Variants in TAOK3 observed in about 807,000 individuals in gnomAD.
The protein encoded by TAOK3 is TAO kinase 3.
TAOK3 carries 40 observed loss-of-function variants against 120.4 expected under a neutral mutation model. The observed-to-expected ratio is 0.33, with a 90% CI of 0.26 to 0.43. The LOEUF is 0.43. TAOK3 is among the 20% of genes least tolerant of loss of function. The pLI is 1.00. For missense variants in TAOK3, 821 were observed against 1,112.1 expected (o/e 0.74, Z 3.72); for synonymous variants, 355 against 387.5 (o/e 0.92, Z 0.99).
At position 118,365,000 on chromosome 12, in the gene TAOK3, C is replaced by T. The variant is rs193078241; in HGVS notation, c.-194+7648G>A. On this transcript the variant is annotated intron_variant, in intron 1 of 20. Transcript: ENST00000392533. ...CTTCACTTATTCCTTTCACAGATCC[C>T]AAGAGGTATGGATTCTTATTTTACA... 1.8e-3 allele frequency among the ~76,000 whole-genome samples: 272 copies of T among 152,294 alleles called. 1 individual carries two copies. Among genetic ancestry groups the T allele is most frequent in the South Asian group, 1.7e-3 (8 of 4,826 alleles).
At chr12:118,215,502 A>T (rs1241375548) in intron 9 of TAOK3, among the ~76,000 whole-genome samples, 1 of 151,748 alleles carries the variant, frequency 6.6e-6, no homozygotes, top group Non-Finnish European at 1.5e-5. Flanking sequence ...ACAGAGTGAG[A>T]CTCTGTCTCA....
chr12:118,357,563 G>C (rs1286830845), intron 1 of TAOK3, among the ~76,000 whole-genome samples: 2 of 152,182 alleles, frequency 1.3e-5, no homozygotes, highest in Non-Finnish European at 2.9e-5. Context: ...GTTATAAGTG[G>C]TTAAATAAAC....
intron 1 of TAOK3, among the ~76,000 whole-genome samples, chr12:118,340,819 T>C (rs1260190285): frequency 6.6e-6 from 1 of 151,204 alleles, no homozygotes; most frequent in African/African-American, 2.4e-5. Context: ...GGCTCATGCC[T>C]GTACTCCCAG....
At chr12:118,214,274 C>T (rs1466569258) in intron 9 of TAOK3, 164 bp from the exon 10 acceptor site, 4 of 549,660 alleles carry the variant, frequency 7.3e-6, no homozygotes, top group Non-Finnish European at 1.2e-5. Context: ...CCAAGATAGC[C>T]ATTCAGAAGA....
At chr12:118,196,094 T>TAAATAAAA (rs1338241804) in intron 13 of TAOK3, among the ~76,000 whole-genome samples, 2,328 of 145,850 alleles carry the variant, frequency 0.016, 65 homozygotes, top group African/African-American at 0.047. Flanking sequence ...AATAAATAAA[T>TAAATAAAA]AAAAGGAAGT....
rs190918603 is a variant in TAOK3, at chr12:118,258,103, T to C, written c.-88-2448A>G. On this transcript the variant is annotated intron_variant, in intron 2 of 20. Coordinates refer to ENST00000392533, the MANE Select transcript of TAOK3 (RefSeq NM_016281.4). ...GCATGCCTTTTTAGGGAAAATAAAA[T>C]TAGTTCATTCAATATGAATTGTATG... is the stretch of plus-strand genomic sequence containing the variant. Among the ~76,000 whole-genome samples, 367 of 152,230 alleles carry C rather than the reference T, an allele frequency of 2.4e-3. 2 individuals are homozygous for C. Among genetic ancestry groups the C allele is most frequent in the Admixed American group, 6.7e-3 (102 of 15,286 alleles).
chr12:118,248,627 T>C (rs564000071), intron 3 of TAOK3, among the ~76,000 whole-genome samples: 1 of 152,156 alleles, frequency 6.6e-6, no homozygotes, highest in East Asian at 1.9e-4. Context: ...TAAAAAATAA[T>C]TAACCATTAC....
At chr12:118,300,207 T>C (rs1718435525) in intron 1 of TAOK3, among the ~76,000 whole-genome samples, 1 of 152,186 alleles carries the variant, frequency 6.6e-6, no homozygotes, top group Non-Finnish European at 1.5e-5. Context: ...TGTACTCACG[T>C]GTTCATCTGA....
intron 5 of TAOK3, among the ~76,000 whole-genome samples, chr12:118,242,356 A>G (rs1311750657): frequency 1.3e-5 from 2 of 152,208 alleles, no homozygotes; most frequent in East Asian, 1.9e-4. Flanking sequence ...TATGTTTAGT[A>G]TACTGTTTGA....
intron 11 of TAOK3, among the ~76,000 whole-genome samples, chr12:118,206,205 C>G (rs574093111): frequency 2.0e-5 from 3 of 152,196 alleles, no homozygotes; most frequent in African/African-American, 7.2e-5. Flanking sequence ...AAGCTACATG[C>G]TAAGGATGGT....
At chr12:118,177,056 T>G in intron 16 of TAOK3, 145 bp downstream of exon 16, 1 of 830,736 alleles carries the variant, frequency 1.2e-6, no homozygotes, top group Non-Finnish European at 1.8e-6. Flanking sequence ...TGTGAGTCAC[T>G]GTGCCCGGAA....
intron 17 of TAOK3, among the ~76,000 whole-genome samples, chr12:118,171,770 G>A (rs2036009731): frequency 6.6e-6 from 1 of 152,096 alleles, no homozygotes; most frequent in Admixed American, 6.6e-5. Context: ...CTTAAACAAG[G>A]GTCTCTACAT....
intron 2 of TAOK3, chr12:118,261,717 C>T (rs2041236621): frequency 6.6e-6 from 1 of 152,158 alleles, no homozygotes; most frequent in African/African-American, 2.4e-5. Context: ...CAAAAAGCAT[C>T]AAGACTGAAA....
At chr12:118,322,271 C>T (rs568655831) in intron 1 of TAOK3, among the ~76,000 whole-genome samples, 4 of 144,542 alleles carry the variant, frequency 2.8e-5, no homozygotes, top group Admixed American at 7.2e-5. Context: ...GCTGAGATCG[C>T]GCCACTACAC....
intron 1 of TAOK3, among the ~76,000 whole-genome samples, chr12:118,329,055 A>C (rs2141007414): frequency 6.6e-6 from 1 of 152,310 alleles, no homozygotes; most frequent in Middle Eastern, 3.4e-3. Flanking sequence ...AGCACACTTA[A>C]AGGGTATTTA....
At chr12:118,241,650 G>A (rs1381074009) in intron 5 of TAOK3, among the ~76,000 whole-genome samples, 2 of 152,160 alleles carry the variant, frequency 1.3e-5, no homozygotes, top group African/African-American at 4.8e-5. Context: ...GATTAGCTCT[G>A]CCTTCTAGCT....
At chr12:118,253,474 C>T (rs189680707) in intron 3 of TAOK3, among the ~76,000 whole-genome samples, 2 of 152,140 alleles carry the variant, frequency 1.3e-5, no homozygotes, top group East Asian at 1.9e-4. Context: ...CGGTGGCTCA[C>T]GCCTGTAATC....
chr12:118,333,487 G>A (rs2044235144), intron 1 of TAOK3, among the ~76,000 whole-genome samples: 1 of 152,162 alleles, frequency 6.6e-6, no homozygotes, highest in African/African-American at 2.4e-5. Flanking sequence ...CTAAAGCAAT[G>A]CCAAGAGGGA....
chr12:118,195,702 A>G (rs353894), intron 13 of TAOK3, among the ~76,000 whole-genome samples: 100,332 of 151,978 alleles, frequency 0.66, 33,353 homozygotes, highest in South Asian at 0.72. Flanking sequence ...AGTACCTAAA[A>G]TTTATTTTGT....
Sources: allele counts gnomAD v4.1 joint callset (sites outside exome capture counted in the v4.1 genomes callset), GRCh38; gene constraint gnomAD v4.1.1; transcripts MANE v1.5; gene names NCBI Gene and HGNC (gene_info 2026-07-23, HGNC 2026-07-21).